ERG: variants seen among roughly 807,000 people sequenced by gnomAD.
The protein encoded by ERG is ETS transcription factor ERG.
Under a neutral mutation model 55.3 loss-of-function variants are expected in ERG, and 9 were observed. The ratio of observed to expected loss-of-function variants is 0.16; its 90% CI spans 0.10 to 0.28. ERG has a LOEUF of 0.28. ERG is among the 10% of genes least tolerant of loss of function. The pLI is 1.00. For missense variants in ERG, 434 were observed against 631.6 expected (o/e 0.69, Z 3.35); for synonymous variants, 223 against 237.3 (o/e 0.94, Z 0.55).
chr21:38,504,230 T>A (rs889922605), intron 2 of ERG, among the ~76,000 whole-genome samples: 1 of 152,214 alleles, frequency 6.6e-6, no homozygotes, highest in Non-Finnish European at 1.5e-5. Flanking sequence ...AACACCAAGT[T>A]GCAATTTCCT....
intron 2 of ERG, among the ~76,000 whole-genome samples, chr21:38,542,473 C>T (rs1041346015): frequency 1.3e-5 from 2 of 152,186 alleles, no homozygotes; most frequent in Non-Finnish European, 2.9e-5. Context: ...CAAATGACAT[C>T]ATGACCATGT....
Position 38,411,657 on chromosome 21 carries a change from G to A in ERG, c.389-7948C>T, listed in dbSNP as rs1255024833. ...GGTTTGTTACTCTTTTGGCGGCCTA[G>A]TGCATGGTCAGTTTTTATAAATGTT... On this transcript the variant is annotated intron_variant, in intron 3 of 9. Coordinates refer to ENST00000288319, the MANE Select transcript of ERG (RefSeq NM_182918.4). Among the ~76,000 whole-genome samples the A allele has an allele frequency of 2.0e-5, 3 of 152,154 alleles. No individual in the cohort carries two copies. In the East Asian group the frequency reaches 5.8e-4, roughly 29 times the overall value.
At chr21:38,583,703 A>T (rs1443770775) in intron 1 of ERG, among the ~76,000 whole-genome samples, 1 of 152,174 alleles carries the variant, frequency 6.6e-6, no homozygotes, top group Non-Finnish European at 1.5e-5. Context: ...GTCATTAGTG[A>T]CCTAACCCAA....
At chr21:38,436,020 C>CTT (rs11384369) in intron 2 of ERG, among the ~76,000 whole-genome samples, 8,264 of 133,240 alleles carry the variant, frequency 0.062, 909 homozygotes, top group African/African-American at 0.21. Flanking sequence ...TTCTTTTTTT[C>CTT]TTTTTTTTTT....
chr21:38,391,791 A>C, intron 7 of ERG, 76 bp from the exon 8 acceptor site: 1 of 1,179,488 alleles, frequency 8.5e-7, no homozygotes, highest in South Asian at 1.3e-5. Flanking sequence ...TTGCATAATC[A>C]TTCTATCAGT....
chr21:38,596,889 A>T (rs1263851554), intron 1 of ERG, among the ~76,000 whole-genome samples: 1 of 149,464 alleles, frequency 6.7e-6, no homozygotes, highest in Non-Finnish European at 1.5e-5. Flanking sequence ...AGACTCAGAC[A>T]TCACACCACC....
At chr21:38,519,750 T>C (rs1178405939) in intron 2 of ERG, among the ~76,000 whole-genome samples, 1 of 152,142 alleles carries the variant, frequency 6.6e-6, no homozygotes, top group Admixed American at 6.6e-5. Flanking sequence ...GATGTGTGTA[T>C]ATGTGCACCA....
At chr21:38,429,893 A>G (rs1427265644) in intron 2 of ERG, among the ~76,000 whole-genome samples, 1 of 152,158 alleles carries the variant, frequency 6.6e-6, no homozygotes, top group East Asian at 1.9e-4. Context: ...GTAGATAACC[A>G]GTGGTGGGAT....
intron 1 of ERG, among the ~76,000 whole-genome samples, chr21:38,476,988 TTTTTC>T (rs1175694752): frequency 6.6e-6 from 1 of 151,196 alleles, no homozygotes; most frequent in Non-Finnish European, 1.5e-5. Context: ...GAGAGATTCT[TTTTTC>T]TTTTCTTTCT....
intron 3 of ERG, among the ~76,000 whole-genome samples, chr21:38,404,471 C>T (rs772741209): frequency 1.3e-5 from 2 of 152,078 alleles, no homozygotes; most frequent in South Asian, 2.1e-4. Flanking sequence ...GAGCAGGGCC[C>T]GGGGGAGAAG....
At chr21:38,520,152 C>T (rs745999600) in intron 2 of ERG, among the ~76,000 whole-genome samples, 4 of 152,146 alleles carry the variant, frequency 2.6e-5, no homozygotes, top group African/African-American at 4.8e-5. Flanking sequence ...GATAACCTTG[C>T]CTTGCAGTCA....
intron 3 of ERG, among the ~76,000 whole-genome samples, chr21:38,414,590 T>A (rs1989199555): frequency 6.6e-6 from 1 of 152,168 alleles, no homozygotes; most frequent in African/African-American, 2.4e-5. Flanking sequence ...CCACATGAAG[T>A]AGGAATTATT....
At chr21:38,635,757 T>G (rs2060384387) in intron 1 of ERG, among the ~76,000 whole-genome samples, 1 of 152,212 alleles carries the variant, frequency 6.6e-6, no homozygotes, top group African/African-American at 2.4e-5. Flanking sequence ...CATTGACATT[T>G]GAGGTCATGG....
At chr21:38,374,690 A>G in the ERG span, among the ~76,000 whole-genome samples, 2 of 152,162 alleles carry the variant, frequency 1.3e-5, no homozygotes, top group Non-Finnish European at 2.9e-5. Flanking sequence ...ACAACAGACT[A>G]TGGTAGGTCA....
chr21:38,410,714 G>A lies in ERG; in HGVS notation c.389-7005C>T, dbSNP rs192333255. Among the ~76,000 whole-genome samples the A allele has an allele frequency of 1.4e-4, 21 of 152,296 alleles. No homozygotes were observed. In the East Asian group the frequency reaches 3.5e-3, roughly 25 times the overall value. The stretch of plus-strand genomic sequence containing the variant: ...AAATCAGGCAAAGGGGCACTGCATC[G>A]CCAAAGACAAACTGTGCCTTTGTGA... On this transcript the variant is annotated intron_variant, in intron 3 of 9. Transcript: ENST00000288319.
chr21:38,478,642 A>G (rs1037542172), intron 1 of ERG, among the ~76,000 whole-genome samples: 3 of 152,224 alleles, frequency 2.0e-5, no homozygotes, highest in Admixed American at 2.0e-4. Flanking sequence ...GTCAGTGATA[A>G]GAGGAACTTC....
At chr21:38,462,802 T>C (rs2059055483) in intron 1 of ERG, among the ~76,000 whole-genome samples, 1 of 152,212 alleles carries the variant, frequency 6.6e-6, no homozygotes, top group Admixed American at 6.5e-5. Context: ...CTGCCCATCA[T>C]GACCCCCACC....
chr21:38,466,334 A>T (rs1312829475), intron 1 of ERG, among the ~76,000 whole-genome samples: 10 of 58,342 alleles, frequency 1.7e-4, no homozygotes, highest in Admixed American at 5.6e-4. Flanking sequence ...TGTGTGTGTG[A>T]TATAGATATG....
chr21:38,486,080 C>G (rs112474914), intron 1 of ERG, among the ~76,000 whole-genome samples: 1 of 151,068 alleles, frequency 6.6e-6, no homozygotes, highest in Admixed American at 6.6e-5. Context: ...ACTACAGGTG[C>G]GTGCCACCAT....
Sources: allele counts gnomAD v4.1 joint callset (sites outside exome capture counted in the v4.1 genomes callset), GRCh38; gene constraint gnomAD v4.1.1; transcripts MANE v1.5; gene names NCBI Gene and HGNC (gene_info 2026-07-23, HGNC 2026-07-21).